Variants in WDR41 observed in about 807,000 individuals in gnomAD.
The protein encoded by WDR41 is WD repeat domain 41, also known as WD repeat-containing protein 41.
Under a neutral mutation model 69.3 loss-of-function variants are expected in WDR41, and 63 were observed. The ratio of observed to expected loss-of-function variants is 0.91; its 90% CI spans 0.74 to 1.12. The LOEUF (loss-of-function observed/expected upper bound fraction) is 1.12. Among genes scored for constraint, WDR41 ranks in the 50% most tolerant of loss-of-function variants. The pLI is 0.00. For missense variants in WDR41, 543 were observed against 534.5 expected (o/e 1.02, Z -0.16); for synonymous variants, 185 against 192.1 (o/e 0.96, Z 0.31).
At chr5:77,574,438 G>C (rs1339015733) in intron 1 of WDR41, among the ~76,000 whole-genome samples, 2 of 152,200 alleles carry the variant, frequency 1.3e-5, no homozygotes, top group Admixed American at 1.3e-4. Flanking sequence ...CAGCAGTCAA[G>C]AGGGAGGAGG....
chr5:77,467,577 T>C (rs1425680493), intron 2 of WDR41, among the ~76,000 whole-genome samples: 1 of 152,060 alleles, frequency 6.6e-6, no homozygotes, highest in East Asian at 1.9e-4. Flanking sequence ...AAAAATATGC[T>C]TCTTAGAATC....
chr5:77,477,185 T>C (rs190683316), intron 2 of WDR41, among the ~76,000 whole-genome samples: 1 of 148,218 alleles, frequency 6.7e-6, no homozygotes, highest in Non-Finnish European at 1.5e-5. Flanking sequence ...AAGTCCTGAG[T>C]GACCTACAAA....
At position 77,537,053 on chromosome 5, in the gene WDR41, T is replaced by TA. The variant is rs1489146576; in HGVS notation, c.43-47482dup. The stretch of plus-strand genomic sequence containing the variant: ...TGCTATTCAAAAATTTGATATGTGG[T>TA]ATTATGGTATAAGCACTGACCAATC... On this transcript the variant is annotated intron_variant, in intron 1 of 5. Coordinates refer to the WDR41 transcript ENST00000509971. Among the ~76,000 whole-genome samples the TA allele has an allele frequency of 7.2e-5, 11 of 152,342 alleles. No individual in the cohort carries two copies. In the South Asian group the frequency reaches 1.7e-3, roughly 23 times the overall value.
intron 1 of WDR41, among the ~76,000 whole-genome samples, chr5:77,562,097 A>G (rs1348127193): frequency 6.6e-6 from 1 of 152,178 alleles, no homozygotes. Flanking sequence ...TTGAGATGGC[A>G]TGCAGTTGAT....
At position 77,430,965 on chromosome 5, in the gene WDR41, T is replaced by C. The variant is rs1307541941; in HGVS notation, c.*2170A>G. On this transcript the variant is annotated 3_prime_UTR_variant, in exon 13 of 13. Coordinates refer to ENST00000296679, the MANE Select transcript of WDR41 (RefSeq NM_018268.4). Reference sequence around the variant, plus strand: ...CTGTAATCTCATGATCAAACTTTAATAGATGAGAAGTTGCTTAAGAATGTG... The same window carrying C: ...CTGTAATCTCATGATCAAACTTTAACAGATGAGAAGTTGCTTAAGAATGTG... 2 of 152,154 alleles carry C rather than the reference T, an allele frequency of 1.3e-5. No homozygotes were observed. Among genetic ancestry groups the C allele is most frequent in the African/African-American group, 2.4e-5 (1 of 41,438 alleles). 9.4% of individuals were successfully genotyped at this position (152,154 alleles called of 1,614,324 possible). A position where few individuals can be genotyped will look rare whatever the true frequency, so the allele number is the denominator to read the frequency against.
intron 1 of WDR41, among the ~76,000 whole-genome samples, chr5:77,609,004 C>T (rs562236162): frequency 3.9e-5 from 6 of 152,236 alleles, no homozygotes; most frequent in African/African-American, 1.4e-4. Flanking sequence ...GAGATTATAT[C>T]CCGCACCTGG....
At chr5:77,453,025 G>A (rs560594084) in intron 6 of WDR41, among the ~76,000 whole-genome samples, 1 of 152,304 alleles carries the variant, frequency 6.6e-6, no homozygotes, top group East Asian at 1.9e-4. Flanking sequence ...ATGTTGAACT[G>A]AGTGGTTAAA....
At chr5:77,473,244 C>T (rs542498724) in intron 2 of WDR41, among the ~76,000 whole-genome samples, 5 of 152,252 alleles carry the variant, frequency 3.3e-5, no homozygotes, top group African/African-American at 9.6e-5. Context: ...TAGTCATATG[C>T]AGAAAGCTGA....
intron 1 of WDR41, among the ~76,000 whole-genome samples, chr5:77,611,454 G>C (rs1242074586): frequency 6.6e-6 from 1 of 152,034 alleles, no homozygotes; most frequent in Admixed American, 6.6e-5. Context: ...ACAACAAACT[G>C]TCTCTCAGAC....
intron 1 of WDR41, among the ~76,000 whole-genome samples, chr5:77,502,058 AT>A (rs1483008295): frequency 6.6e-6 from 1 of 152,180 alleles, no homozygotes; most frequent in Non-Finnish European, 1.5e-5. Context: ...AAAGTTGGTA[AT>A]AACAAACTCC....
intron 1 of WDR41, among the ~76,000 whole-genome samples, chr5:77,513,792 T>C (rs1802245563): frequency 6.6e-6 from 1 of 152,164 alleles, no homozygotes; most frequent in Non-Finnish European, 1.5e-5. Context: ...TTTTTCTAGC[T>C]CCTTTGACTA....
chr5:77,603,151 T>A (rs983781791), intron 1 of WDR41, among the ~76,000 whole-genome samples: 3 of 152,150 alleles, frequency 2.0e-5, no homozygotes, highest in African/African-American at 7.2e-5. Context: ...TTAGCCAGGA[T>A]GGTCTCGATC....
chr5:77,460,494 G>C (rs1268951408), intron 4 of WDR41, among the ~76,000 whole-genome samples: 1 of 152,036 alleles, frequency 6.6e-6, no homozygotes, highest in African/African-American at 2.4e-5. Flanking sequence ...GAGCTCCTAA[G>C]GCTATCGCTT....
At chr5:77,523,156 A>C (rs1404764657) in intron 1 of WDR41, among the ~76,000 whole-genome samples, 2 of 151,944 alleles carry the variant, frequency 1.3e-5, no homozygotes, top group Non-Finnish European at 2.9e-5. Flanking sequence ...TCTACTAAAA[A>C]TACAAAAATT....
intron 2 of WDR41, among the ~76,000 whole-genome samples, chr5:77,475,548 C>T (rs1019624803): frequency 2.0e-5 from 3 of 152,158 alleles, no homozygotes. Context: ...GAGGCACCCC[C>T]CAGAAGGGAG....
intron 2 of WDR41, among the ~76,000 whole-genome samples, chr5:77,469,488 T>C (rs1426194359): frequency 6.6e-6 from 1 of 152,144 alleles, no homozygotes; most frequent in Non-Finnish European, 1.5e-5. Flanking sequence ...TCCTTAAATC[T>C]ACAGACTTAA....
chr5:77,566,902 G>A (rs1743643219), intron 1 of WDR41, among the ~76,000 whole-genome samples: 2 of 152,086 alleles, frequency 1.3e-5, no homozygotes, highest in South Asian at 4.1e-4. Flanking sequence ...GAGTTAAATG[G>A]CACTCCATGT....
intron 6 of WDR41, chr5:77,452,068 A>G (rs945172046): frequency 2.0e-5 from 3 of 151,582 alleles, no homozygotes; most frequent in African/African-American, 7.3e-5. Flanking sequence ...TGTAATTTAT[A>G]ATATATATGC....
At chr5:77,537,792 C>T (rs1009259293) in intron 1 of WDR41, among the ~76,000 whole-genome samples, 3 of 152,264 alleles carry the variant, frequency 2.0e-5, no homozygotes, top group Non-Finnish European at 4.4e-5. Context: ...AATTAATACA[C>T]ACTGCTTCCA....
Sources: gnomAD v4.1 joint callset for allele counts (sites outside exome capture counted in the v4.1 genomes callset) on GRCh38, gnomAD v4.1.1 for gene constraint, MANE v1.5 for transcripts, NCBI Gene and HGNC (gene_info 2026-07-23, HGNC 2026-07-21) for gene names.